PACC1: variants seen among roughly 807,000 people sequenced by gnomAD.
The protein encoded by PACC1 is proton-activated chloride channel.
PACC1 carries 34 observed loss-of-function variants against 39.7 expected under a neutral mutation model. That is an observed-to-expected ratio of 0.86 (90% CI 0.65 to 1.14). The LOEUF is 1.14. Ranked by LOEUF, PACC1 falls within the 50% of genes most tolerant of loss-of-function variation. The pLI, the probability that PACC1 is intolerant of heterozygous loss-of-function variation, is 0.00. For synonymous variants in PACC1, 127 were observed against 160.6 expected, an observed-to-expected ratio of 0.79 and a Z score of 1.58; for missense variants, 379 against 436.4, an observed-to-expected ratio of 0.87 and a Z score of 1.17.
intron 7 of PACC1, among the ~76,000 whole-genome samples, chr1:212,374,683 A>AT (rs1050031814): frequency 6.6e-5 from 10 of 152,128 alleles, no homozygotes; most frequent in African/African-American, 2.2e-4. Context: ...TTATGTATCA[A>AT]TTTTTTTAAA....
chr1:212,368,613 C>T (rs1230793113), intron 7 of PACC1, among the ~76,000 whole-genome samples: 1 of 111,114 alleles, frequency 9.0e-6, no homozygotes, highest in African/African-American at 3.6e-5. Flanking sequence ...GAGTGCCTCA[C>T]AGAATTGATC....
intron 4 of PACC1, among the ~76,000 whole-genome samples, chr1:212,383,961 G>GT (rs1226235831): frequency 6.6e-6 from 1 of 152,180 alleles, no homozygotes; most frequent in Non-Finnish European, 1.5e-5. Context: ...GGTATAGGGT[G>GT]TGTCTGGCCC....
At chr1:212,399,114 A>G (rs1238804979) in intron 2 of PACC1, among the ~76,000 whole-genome samples, 1 of 152,254 alleles carries the variant, frequency 6.6e-6, no homozygotes, top group Non-Finnish European at 1.5e-5. Context: ...TCATAACTGC[A>G]GTGGCAATGA....
Position 212,390,400 on chromosome 1 carries a change from G to A in PACC1, c.134-3300C>T, listed in dbSNP as rs141878179. ...ATCACGCCATTGCACTCCAGCCTAG[G>A]AAACAAGAGCAAAACTCCATCTCAA... is the stretch of plus-strand genomic sequence containing the variant. On this transcript the variant is annotated intron_variant, in intron 2 of 7. Transcript: ENST00000261455. 8.4e-3 allele frequency among the ~76,000 whole-genome samples: 1,135 copies of A among 134,922 alleles called. 16 individuals are homozygous for A. The highest frequency in any genetic ancestry group is 0.03 in the African/African-American group (1,067 of 34,996). The allele number at this position is 134,922 out of a possible 152,430, so 88.5% of individuals were successfully genotyped here. A position where few individuals can be genotyped will look rare whatever the true frequency, so the allele number is the denominator to read the frequency against.
chr1:212,392,252 A>C (rs1215270333), intron 2 of PACC1, among the ~76,000 whole-genome samples: 4 of 152,282 alleles, frequency 2.6e-5, no homozygotes, highest in Admixed American at 6.5e-5. Flanking sequence ...CTCTCAGCAG[A>C]AACTCTACAA....
At chr1:212,367,649 A>G (rs543053730) in intron 7 of PACC1, among the ~76,000 whole-genome samples, 15 of 152,192 alleles carry the variant, frequency 9.9e-5, no homozygotes, top group Admixed American at 2.0e-4. Flanking sequence ...GGTGTGATCC[A>G]GCATGACACC....
chr1:212,403,566 T>C (rs792451), intron 2 of PACC1, among the ~76,000 whole-genome samples: 120,273 of 152,138 alleles, frequency 0.79, 48,572 homozygotes, highest in African/African-American at 0.94. Context: ...AACAAATAGG[T>C]TTTTTTTCTT....
At chr1:212,392,520 G>A (rs1355676724) in intron 2 of PACC1, among the ~76,000 whole-genome samples, 1 of 152,190 alleles carries the variant, frequency 6.6e-6, no homozygotes, top group Non-Finnish European at 1.5e-5. Context: ...ATGCTAGGAA[G>A]AAACTACATC....
intron 2 of PACC1, among the ~76,000 whole-genome samples, chr1:212,406,686 G>A (rs146878819): frequency 1.2e-3 from 184 of 152,300 alleles, no homozygotes; most frequent in African/African-American, 4.1e-3. Flanking sequence ...AAGCAACTGG[G>A]AAGGCTACCC....
intron 2 of PACC1, among the ~76,000 whole-genome samples, chr1:212,403,224 T>C (rs185493903): frequency 6.5e-4 from 99 of 152,370 alleles, no homozygotes; most frequent in African/African-American, 2.4e-3. Flanking sequence ...TATGGAATTA[T>C]GTATTCCAGA....
At chr1:212,381,811 A>G (rs1660906831) in intron 4 of PACC1, among the ~76,000 whole-genome samples, 1 of 146,742 alleles carries the variant, frequency 6.8e-6, no homozygotes, top group South Asian at 2.1e-4. Flanking sequence ...CACATGGACC[A>G]GAACAATGCC....
At chr1:212,405,442 A>G (rs1043361918) in intron 2 of PACC1, among the ~76,000 whole-genome samples, 5 of 152,242 alleles carry the variant, frequency 3.3e-5, no homozygotes, top group Non-Finnish European at 7.3e-5. Flanking sequence ...AAAGGAAAGC[A>G]TATCACAGGG....
At chr1:212,401,187 A>C (rs979509095) in intron 2 of PACC1, among the ~76,000 whole-genome samples, 1 of 152,166 alleles carries the variant, frequency 6.6e-6, no homozygotes. Flanking sequence ...TTCATTACCC[A>C]AAAAGAAACT....
rs180977880 is a variant in PACC1, at chr1:212,379,286, G to A, written c.638+609C>T. Among the ~76,000 whole-genome samples, 167 of 152,054 alleles carry A rather than the reference G, an allele frequency of 1.1e-3. 2 individuals are homozygous for A. The highest frequency in any genetic ancestry group is 3.9e-3 in the Admixed American group (60 of 15,266). On this transcript the variant is annotated intron_variant, in intron 5 of 7. Coordinates refer to ENST00000261455, the MANE Select transcript of PACC1 (RefSeq NM_018252.3). ...TTTTTTTTCTCTAGTTTACTTTATCGTAAGAATACAGTCTATGATATATAT... is the reference window on the plus strand; with the variant it reads ...TTTTTTTTCTCTAGTTTACTTTATCATAAGAATACAGTCTATGATATATAT...
intron 2 of PACC1, among the ~76,000 whole-genome samples, chr1:212,395,587 G>A (rs1414248039): frequency 5.7e-4 from 87 of 152,176 alleles, no homozygotes; most frequent in Admixed American, 5.7e-3. Context: ...ATTGACAAAT[G>A]GGGCCTAATT....
intron 7 of PACC1, among the ~76,000 whole-genome samples, chr1:212,368,239 C>G (rs1660315058): frequency 6.6e-6 from 1 of 152,184 alleles, no homozygotes; most frequent in South Asian, 2.1e-4. Flanking sequence ...AGTCACCTTT[C>G]AATTTGTAGA....
At chr1:212,365,434 T>C (rs1571620972) in intron 7 of PACC1, 58 bp from the exon 8 acceptor site, 9 of 1,416,070 alleles carry the variant, frequency 6.4e-6, no homozygotes, top group South Asian at 1.5e-5. Context: ...TGATTCTTTT[T>C]TTTTTTTTTT....
intron 1 of PACC1, among the ~76,000 whole-genome samples, chr1:212,410,782 C>T (rs1215697282): frequency 1.3e-5 from 2 of 152,228 alleles, no homozygotes; most frequent in Admixed American, 1.3e-4. Flanking sequence ...TCTTCTCTCA[C>T]AGTTCTGGAG....
intron 2 of PACC1, among the ~76,000 whole-genome samples, chr1:212,402,094 G>A (rs766355665): frequency 7.2e-5 from 11 of 152,148 alleles, no homozygotes; most frequent in Non-Finnish European, 1.2e-4. Context: ...TACAAATAAA[G>A]CTGCTATGAA....
Sources: allele counts gnomAD v4.1 joint callset (sites outside exome capture counted in the v4.1 genomes callset), GRCh38; gene constraint gnomAD v4.1.1; transcripts MANE v1.5; gene names NCBI Gene and HGNC (gene_info 2026-07-23, HGNC 2026-07-21).